NTM: variants seen among roughly 807,000 people sequenced by gnomAD.
The protein encoded by NTM is IgLON family member 2.
NTM carries 13 observed loss-of-function variants against 42.1 expected under a neutral mutation model. The ratio of observed to expected loss-of-function variants is 0.31; its 90% CI spans 0.20 to 0.49. The LOEUF (loss-of-function observed/expected upper bound fraction) is 0.49. Ranked by LOEUF, NTM falls within the 20% of genes least tolerant of loss-of-function variation. The pLI is 0.99. For synonymous variants in NTM, 187 were observed against 179.2 expected, an observed-to-expected ratio of 1.04 and a Z score of -0.35; for missense variants, 373 against 452.8, an observed-to-expected ratio of 0.82 and a Z score of 1.60.
chr11:131,633,537 C>A (rs759983275), intron 1 of NTM, among the ~76,000 whole-genome samples: 5 of 151,886 alleles, frequency 3.3e-5, no homozygotes, highest in Non-Finnish European at 7.4e-5. Context: ...CTCTCTCTCT[C>A]TCTCTATCTC....
chr11:131,618,660 A>G (rs1293200126), intron 1 of NTM, among the ~76,000 whole-genome samples: 2 of 152,220 alleles, frequency 1.3e-5, no homozygotes, highest in Admixed American at 1.3e-4. Context: ...TAAGATGGAA[A>G]TTGAGCTTAA....
At chr11:131,509,639 T>C (rs535568473) in intron 1 of NTM, among the ~76,000 whole-genome samples, 13 of 152,360 alleles carry the variant, frequency 8.5e-5, no homozygotes, top group East Asian at 7.7e-4. Flanking sequence ...TTTATCTCCA[T>C]ACGTTAAAAA....
chr11:131,410,534 A>AAC (rs1268117287), intron 1 of NTM, among the ~76,000 whole-genome samples: 1 of 149,352 alleles, frequency 6.7e-6, no homozygotes, highest in African/African-American at 2.4e-5. Flanking sequence ...AAAAAAAAAA[A>AAC]AAAAAAAAAC....
intron 1 of NTM, among the ~76,000 whole-genome samples, chr11:131,616,245 C>T (rs1324074047): frequency 1.3e-5 from 2 of 152,246 alleles, no homozygotes; most frequent in Admixed American, 1.3e-4. Flanking sequence ...CGTGCCACCT[C>T]CCAGGGCAGG....
At chr11:131,635,121 C>T (rs186801219) in intron 1 of NTM, among the ~76,000 whole-genome samples, 2 of 152,234 alleles carry the variant, frequency 1.3e-5, no homozygotes, top group African/African-American at 2.4e-5. Context: ...CAATGCATTA[C>T]TTACGTATTT....
intron 2 of NTM, among the ~76,000 whole-genome samples, chr11:132,088,324 T>G (rs2059986624): frequency 6.6e-6 from 1 of 152,056 alleles, no homozygotes; most frequent in South Asian, 2.1e-4. Context: ...AAGGGAAAGA[T>G]ATTTTTGGGT....
At chr11:131,527,837 G>A (rs1411168722) in intron 1 of NTM, among the ~76,000 whole-genome samples, 3 of 151,988 alleles carry the variant, frequency 2.0e-5, no homozygotes, top group Non-Finnish European at 4.4e-5. Flanking sequence ...TTAACAATCT[G>A]ACTCTTTGGT....
intron 4 of NTM, among the ~76,000 whole-genome samples, chr11:132,300,844 C>T (rs896455126): frequency 4.6e-5 from 7 of 152,162 alleles, no homozygotes; most frequent in African/African-American, 1.7e-4. Flanking sequence ...CTTCTTGTGC[C>T]ACCCCCTTTG....
At chr11:131,958,531 C>G (rs752394797) in intron 2 of NTM, among the ~76,000 whole-genome samples, 1 of 152,194 alleles carries the variant, frequency 6.6e-6, no homozygotes, top group Non-Finnish European at 1.5e-5. Context: ...TGCTGTCAAC[C>G]TGGAATCACT....
chr11:131,539,143 T>A (rs959562188), intron 1 of NTM: 24 of 152,060 alleles, frequency 1.6e-4, no homozygotes, highest in African/African-American at 5.8e-4. Context: ...CGTTCTACAA[T>A]GTTGCTCAGG....
chr11:131,796,537 T>A (rs2091584568), intron 1 of NTM, among the ~76,000 whole-genome samples: 1 of 152,188 alleles, frequency 6.6e-6, no homozygotes, highest in Non-Finnish European at 1.5e-5. Flanking sequence ...TGTCCCCTTT[T>A]CTGCCTTCCA....
chr11:132,151,008 G>C lies in NTM; in HGVS notation c.400+4494G>C, dbSNP rs1287992887. Among the ~76,000 whole-genome samples the C allele has an allele frequency of 2.0e-5, 3 of 152,174 alleles. No homozygotes were observed. In the East Asian group the frequency reaches 5.8e-4, roughly 29 times the overall value. Reference sequence around the variant, plus strand: ...TAATCTTTTTGTCCAGAATAGGGGAGATTCATCTAAAATTTATTAACATTT... The same window carrying C: ...TAATCTTTTTGTCCAGAATAGGGGACATTCATCTAAAATTTATTAACATTT... On this transcript the variant is annotated intron_variant, in intron 3 of 8. Transcript: ENST00000683400.
At chr11:131,505,034 T>C (rs747077137) in intron 1 of NTM, among the ~76,000 whole-genome samples, 3 of 152,098 alleles carry the variant, frequency 2.0e-5, no homozygotes, top group Non-Finnish European at 4.4e-5. Flanking sequence ...CAGTGGGGTA[T>C]ACTGCAGGGG....
intron 1 of NTM, among the ~76,000 whole-genome samples, chr11:131,841,964 A>C (rs1378534726): frequency 1.3e-5 from 2 of 152,010 alleles, no homozygotes; most frequent in Non-Finnish European, 2.9e-5. Flanking sequence ...GCCACACTAG[A>C]ATGGGCGAAT....
intron 1 of NTM, among the ~76,000 whole-genome samples, chr11:131,728,890 A>G (rs1029453694): frequency 3.3e-5 from 5 of 152,230 alleles, no homozygotes; most frequent in Non-Finnish European, 7.3e-5. Context: ...GTGTACAAAA[A>G]GACACCATTT....
chr11:131,965,360 T>C (rs911242047), intron 2 of NTM, among the ~76,000 whole-genome samples: 3 of 151,956 alleles, frequency 2.0e-5, no homozygotes, highest in South Asian at 2.1e-4. Flanking sequence ...AAATAACTTA[T>C]AGAGTGAGGC....
intron 2 of NTM, among the ~76,000 whole-genome samples, chr11:131,967,350 G>A (rs754594450): frequency 6.6e-5 from 10 of 152,152 alleles, no homozygotes; most frequent in Non-Finnish European, 1.3e-4. Flanking sequence ...GATCAGTGGG[G>A]GGCAACTGAT....
At chr11:131,934,220 G>A (rs1250007619) in intron 2 of NTM, among the ~76,000 whole-genome samples, 3 of 152,172 alleles carry the variant, frequency 2.0e-5, no homozygotes, top group Non-Finnish European at 4.4e-5. Context: ...TGGTGAATGA[G>A]AAGGCTCTTT....
chr11:132,067,900 A>G (rs759503695), intron 2 of NTM, among the ~76,000 whole-genome samples: 5 of 152,200 alleles, frequency 3.3e-5, no homozygotes, highest in Admixed American at 6.5e-5. Flanking sequence ...TCATTTAGTC[A>G]TGTCCTTGAT....
Sources: allele counts gnomAD v4.1 joint callset (sites outside exome capture counted in the v4.1 genomes callset), GRCh38; gene constraint gnomAD v4.1.1; transcripts MANE v1.5; gene names NCBI Gene and HGNC (gene_info 2026-07-23, HGNC 2026-07-21).